Variants in COPG2 observed in about 807,000 individuals in gnomAD.
COPG2 encodes the protein coatomer subunit gamma-2.
In COPG2, 37 loss-of-function variants were observed where a neutral mutation model predicts 46.3. That is an observed-to-expected ratio of 0.80 (90% CI 0.61 to 1.05). The LOEUF is 1.05. Among genes scored for constraint, COPG2 ranks in the 50% least tolerant of loss-of-function variants. COPG2 has a pLI of 0.00. For missense variants in COPG2, 427 were observed against 387.8 expected (o/e 1.10, Z -0.85); for synonymous variants, 159 against 129.7 (o/e 1.23, Z -1.53).
intron 17 of COPG2, among the ~76,000 whole-genome samples, chr7:130,549,601 A>G (rs1231246377): frequency 3.3e-5 from 5 of 152,212 alleles, no homozygotes; most frequent in African/African-American, 4.8e-5. Context: ...AAAAATATAG[A>G]GTTTGCTTTA....
intron 9 of COPG2, among the ~76,000 whole-genome samples, chr7:130,584,401 A>G (rs186039036): frequency 1.3e-5 from 2 of 152,210 alleles, no homozygotes; most frequent in Admixed American, 1.3e-4. Context: ...GAACTGAAAC[A>G]AGATAACGAT....
chr7:130,511,493 T>C (rs1280276238), intron 20 of COPG2: 1 of 519,888 alleles, frequency 1.9e-6, no homozygotes, highest in Non-Finnish European at 3.8e-6. Flanking sequence ...GTACAAATGG[T>C]GGGAGGGAGT....
chr7:130,607,952 G>C (rs935289436), intron 9 of COPG2, among the ~76,000 whole-genome samples: 5 of 152,036 alleles, frequency 3.3e-5, no homozygotes, highest in Non-Finnish European at 5.9e-5. Context: ...TACTGTTGTG[G>C]GTTATCTTCA....
intron 5 of COPG2, among the ~76,000 whole-genome samples, chr7:130,651,203 C>G (rs1382888842): frequency 6.6e-6 from 1 of 152,122 alleles, no homozygotes; most frequent in Non-Finnish European, 1.5e-5. Flanking sequence ...TATACTTATT[C>G]TAGGACATTT....
At chr7:130,525,436 A>G (rs1383137670) in intron 20 of COPG2, among the ~76,000 whole-genome samples, 2 of 152,174 alleles carry the variant, frequency 1.3e-5, no homozygotes, top group African/African-American at 4.8e-5. Context: ...AATGAAGGAA[A>G]TAGCATCACT....
At chr7:130,649,005 G>A (rs141678207) in intron 5 of COPG2, among the ~76,000 whole-genome samples, 94 of 152,172 alleles carry the variant, frequency 6.2e-4, no homozygotes, top group African/African-American at 2.2e-3. Context: ...TGCTGCTGAC[G>A]TAGAATTCTC....
At position 130,668,673 on chromosome 7, in the gene COPG2, G is replaced by A; in HGVS notation, c.-5C>T. 1 of 1,540,102 alleles carries A rather than the reference G, an allele frequency of 6.5e-7. No individual in the cohort carries two copies. Among genetic ancestry groups the A allele is most frequent in the Non-Finnish European group, 8.7e-7 (1 of 1,145,092 alleles). On this transcript the variant is annotated 5_prime_UTR_variant, in exon 1 of 24. Transcript: ENST00000425248. ...CTTGTCGAATTTTTTAATCATCTTG[G>A]ACGACTTCCCAGCGCCCAGACCCAC... is the stretch of plus-strand genomic sequence containing the variant.
At chr7:130,513,359 G>GTGTGTGTGTGTGTGTA (rs1282542780) in intron 20 of COPG2, among the ~76,000 whole-genome samples, 1 of 36,680 alleles carries the variant, frequency 2.7e-5, no homozygotes, top group African/African-American at 6.4e-5. Flanking sequence ...GTGTGTGTGT[G>GTGTGTGTGTGTGTGTA]TATATATATA....
intron 9 of COPG2, chr7:130,610,082 T>C (rs1326359332): frequency 5.8e-6 from 3 of 519,506 alleles, no homozygotes; most frequent in Non-Finnish European, 1.2e-5. Flanking sequence ...GACTATTTTT[T>C]TCCCTCTTGT....
chr7:130,606,741 T>C (rs1554451311), intron 9 of COPG2, among the ~76,000 whole-genome samples: 1 of 152,202 alleles, frequency 6.6e-6, no homozygotes, highest in African/African-American at 2.4e-5. Flanking sequence ...CTTCCCTTCC[T>C]GACAGCCTAT....
At chr7:130,599,628 T>C (rs1563055134) in intron 9 of COPG2, among the ~76,000 whole-genome samples, 2 of 152,050 alleles carry the variant, frequency 1.3e-5, no homozygotes, top group East Asian at 3.9e-4. Context: ...TAAATCTCTA[T>C]ACTTTCACTA....
At chr7:130,654,011 G>A (rs1244544098) in intron 4 of COPG2, among the ~76,000 whole-genome samples, 4 of 151,808 alleles carry the variant, frequency 2.6e-5, no homozygotes, top group African/African-American at 2.4e-5. Flanking sequence ...CTAGAGATAC[G>A]AAAAAAATTT....
At chr7:130,555,554 C>T (rs939152875) in intron 12 of COPG2, among the ~76,000 whole-genome samples, 10 of 152,106 alleles carry the variant, frequency 6.6e-5, no homozygotes, top group South Asian at 4.1e-4. Context: ...CAGCCAGGCA[C>T]GGTGGCTAAT....
intron 20 of COPG2, among the ~76,000 whole-genome samples, chr7:130,534,757 G>A (rs1799862428): frequency 6.6e-6 from 1 of 152,154 alleles, no homozygotes; most frequent in African/African-American, 2.4e-5. Context: ...GTGGCCAAGA[G>A]GGAAAGAGGA....
chr7:130,614,913 A>C (rs528735202), intron 6 of COPG2, among the ~76,000 whole-genome samples: 2 of 152,328 alleles, frequency 1.3e-5, no homozygotes, highest in South Asian at 4.1e-4. Flanking sequence ...ACCCTAGGAA[A>C]ATCTTCATTT....
rs1021212951 is a variant in COPG2 at position 130,566,598 on chromosome 7, G to A, written c.738-2205C>T. ...TGTCCAGCATAAGACCTGCAGAGGCGGGGCACCAGCTTAATGCCAGGGCCC... is the reference window on the plus strand; with the variant it reads ...TGTCCAGCATAAGACCTGCAGAGGCAGGGCACCAGCTTAATGCCAGGGCCC... On this transcript the variant is annotated intron_variant, in intron 9 of 23. Coordinates refer to ENST00000425248, the MANE Select transcript of COPG2 (RefSeq NM_012133.6). Among the ~76,000 whole-genome samples the A allele has an allele frequency of 5.3e-5, 8 of 152,302 alleles. No individual in the cohort carries two copies. The East Asian group carries it at 7.7e-4, about 15-fold the overall frequency.
In COPG2 at chr7:130,564,269, C is replaced by G. The variant is rs1323841179; in HGVS notation, c.862G>C (p.Ala288Pro). Residue 288 changes from alanine to proline, a missense_variant, in exon 10 of 24, where the codon GCT becomes CCT. Ala to Pro is a conservative substitution (Grantham distance 27, BLOSUM62 -1). Coordinates refer to ENST00000425248, the MANE Select transcript of COPG2 (RefSeq NM_012133.6). The stretch of plus-strand genomic sequence containing the variant: ...CAAATATAAAACAAACCTGAAACAG[C>G]AGGTGCCAACTCTCTTGCAGTGCAG... ...PNCTARELAP[A>P]VSVLQLFCSS... is the part of the protein sequence containing the mutation. 2.5e-6 allele frequency: 1 copy of G among 398,460 alleles called. No individual in the cohort carries two copies. The highest frequency in any genetic ancestry group is 4.4e-6 in the Non-Finnish European group (1 of 226,056). 24.7% of individuals were successfully genotyped at this position (398,460 alleles called of 1,614,324 possible). A position where few individuals can be genotyped will look rare whatever the true frequency, so the allele number is the denominator to read the frequency against.
chr7:130,630,598 T>C (rs1032129477), intron 5 of COPG2, among the ~76,000 whole-genome samples: 8 of 152,326 alleles, frequency 5.3e-5, no homozygotes, highest in Non-Finnish European at 7.4e-5. Context: ...TAATTGTGGA[T>C]CTGTTGATTT....
chr7:130,565,846 G>T (rs1252863497), intron 9 of COPG2, among the ~76,000 whole-genome samples: 1 of 151,938 alleles, frequency 6.6e-6, no homozygotes, highest in Non-Finnish European at 1.5e-5. Context: ...TGCACAGGCA[G>T]ATGAAAGAAT....
Sources: allele counts gnomAD v4.1 joint callset (sites outside exome capture counted in the v4.1 genomes callset), GRCh38; gene constraint gnomAD v4.1.1; transcripts MANE v1.5; gene names NCBI Gene and HGNC (gene_info 2026-07-23, HGNC 2026-07-21).